CCDC33: variants seen among roughly 807,000 people sequenced by gnomAD.
CCDC33 encodes coiled-coil domain containing 33, also known as coiled-coil domain-containing protein 33.
In CCDC33, 94 loss-of-function variants were observed where a neutral mutation model predicts 91.9. The observed-to-expected ratio is 1.02, with a 90% CI of 0.87 to 1.21. The LOEUF (loss-of-function observed/expected upper bound fraction) is 1.21, where lower values mean the gene tolerates loss of function less well. CCDC33 is among the 50% of genes most tolerant of loss of function. The pLI is 0.00. For missense variants in CCDC33, 940 were observed against 935.5 expected (o/e 1.00, Z -0.06); for synonymous variants, 396 against 374.5 (o/e 1.06, Z -0.66).
intron 3 of CCDC33, among the ~76,000 whole-genome samples, chr15:74,264,449 A>C (rs2076113395): frequency 6.6e-6 from 1 of 152,028 alleles, no homozygotes; most frequent in African/African-American, 2.4e-5. Context: ...GCTGTCCATT[A>C]CCCCCAATTC....
intron 11 of CCDC33, 100 bp from the exon 12 acceptor site, chr15:74,330,089 G>A: frequency 7.2e-7 from 1 of 1,383,650 alleles, no homozygotes; most frequent in Non-Finnish European, 9.8e-7. Context: ...GGTGCTCACT[G>A]GCCTTGTGGG....
At chr15:74,272,046 A>C (rs975163441) in intron 6 of CCDC33, among the ~76,000 whole-genome samples, 5 of 152,188 alleles carry the variant, frequency 3.3e-5, no homozygotes, top group Admixed American at 3.3e-4. Context: ...AGCAAGCTGG[A>C]GGGCAGGTGG....
chr15:74,269,768 C>T (rs2076265536), intron 5 of CCDC33, among the ~76,000 whole-genome samples: 1 of 151,804 alleles, frequency 6.6e-6, no homozygotes, highest in Non-Finnish European at 1.5e-5. Flanking sequence ...AGCACAGATG[C>T]CCTCTCCATC....
At chr15:74,291,259 GAA>G (rs1057090938) in intron 10 of CCDC33, among the ~76,000 whole-genome samples, 2 of 152,242 alleles carry the variant, frequency 1.3e-5, no homozygotes, top group African/African-American at 4.8e-5. Flanking sequence ...GCCTACAGCT[GAA>G]GAGATAAGAA....
intron 1 of CCDC33, among the ~76,000 whole-genome samples, chr15:74,241,045 A>G (rs1324585214): frequency 6.6e-6 from 1 of 152,144 alleles, no homozygotes; most frequent in Non-Finnish European, 1.5e-5. Context: ...AGGGCAGGGA[A>G]CAGCACTCTG....
At chr15:74,320,787 G>A (rs967331700) in intron 11 of CCDC33, among the ~76,000 whole-genome samples, 18 of 152,296 alleles carry the variant, frequency 1.2e-4, no homozygotes, top group African/African-American at 2.2e-4. Flanking sequence ...TGCCCTTGCC[G>A]CTTCGATATC....
rs768132160 is a variant in CCDC33 at position 74,244,062 on chromosome 15, GAA to G, written c.100_101del (p.Lys34GlyfsTer33). On this transcript the variant is annotated frameshift_variant, in exon 2 of 19. Transcript: ENST00000398814. LOFTEE classifies it high-confidence loss of function. This position sits in a 1 kb window ranked among gnomAD's most constrained non-coding sequence, Gnocchi z 4.2. The part of the protein sequence containing the change: ...PEIGHLSPSK[K>X]ETIMVTLHGA... ...AGATCGGTCACCTGTCTCCCTCTAA[GAA>G]GGAGACCATCATGGTCACCCTCCAT... 6.6e-5 allele frequency: 20 copies of G among 303,504 alleles called. No homozygotes were observed. The highest frequency in any genetic ancestry group is 5.1e-4 in the African/African-American group (17 of 33,244). The allele number at this position is 303,504 out of a possible 1,614,324, so 18.8% of individuals were successfully genotyped here.
At chr15:74,333,303 C>A in intron 16 of CCDC33, 1 of 1,593,120 alleles carries the variant, frequency 6.3e-7, no homozygotes. Flanking sequence ...TCAGAGTGCA[C>A]AGAGACCCTG....
chr15:74,258,378 C>G (rs2075929559), intron 2 of CCDC33, among the ~76,000 whole-genome samples: 1 of 152,196 alleles, frequency 6.6e-6, no homozygotes, highest in Non-Finnish European at 1.5e-5. Flanking sequence ...CAAAACAAAC[C>G]AGGCCGCCTG....
intron 11 of CCDC33, chr15:74,304,063 C>T (rs1033666471): frequency 6.6e-6 from 1 of 152,244 alleles, no homozygotes; most frequent in Non-Finnish European, 1.5e-5. Flanking sequence ...CCCCTCCTCT[C>T]ACCTGCATAG....
chr15:74,267,493 C>CCTCCGGGCCAGCA (rs2076198415), intron 4 of CCDC33, among the ~76,000 whole-genome samples: 14 of 151,436 alleles, frequency 9.2e-5, no homozygotes, highest in African/African-American at 3.2e-4. Context: ...TGTCCTCCCT[C>CCTCCGGGCCAGCA]CTAGTGCTGA....
intron 11 of CCDC33, chr15:74,318,554 G>C: frequency 1.4e-6 from 1 of 697,944 alleles, no homozygotes; most frequent in Non-Finnish European, 2.6e-6. Context: ...AGTCCCTGGG[G>C]ACCCATCCTG....
At chr15:74,330,909 G>A in intron 13 of CCDC33, 72 bp from the exon 14 acceptor site, 2 of 1,535,630 alleles carry the variant, frequency 1.3e-6, no homozygotes, top group South Asian at 1.3e-5. Flanking sequence ...GAGGGGCCGA[G>A]GTGGACCCTC....
At chr15:74,240,360 C>T (rs1052048703) in intron 1 of CCDC33, among the ~76,000 whole-genome samples, 5 of 152,208 alleles carry the variant, frequency 3.3e-5, no homozygotes, top group Non-Finnish European at 7.3e-5. Flanking sequence ...GGTCTTACTC[C>T]TGGGCCCTCC....
At chr15:74,287,915 C>T (rs2059509910) in intron 10 of CCDC33, among the ~76,000 whole-genome samples, 1 of 152,190 alleles carries the variant, frequency 6.6e-6, no homozygotes, top group African/African-American at 2.4e-5. Flanking sequence ...GCTGGCCATC[C>T]CACCTCTCCT....
intron 11 of CCDC33, chr15:74,299,353 A>G (rs1018361825): frequency 1.3e-5 from 2 of 152,368 alleles, no homozygotes; most frequent in African/African-American, 4.8e-5. Flanking sequence ...ACCACCATCC[A>G]GTCCTTGAAC....
At chr15:74,250,532 C>T (rs1165976455) in intron 2 of CCDC33, among the ~76,000 whole-genome samples, 1 of 152,194 alleles carries the variant, frequency 6.6e-6, no homozygotes, top group Non-Finnish European at 1.5e-5. Flanking sequence ...ACTGATCTCC[C>T]AGATGAGGCC....
rs887673326 is a variant in CCDC33 at position 74,306,796 on chromosome 15, G to A, written c.1290+10848G>A. ...GATCAGGCTCAGAGGAGATGAGAAC[G>A]AGGTCACTCCGGGCAGAGGCCACCC... On this transcript the variant is annotated intron_variant, in intron 11 of 18. Transcript: ENST00000398814. 4.6e-5 allele frequency among the ~76,000 whole-genome samples: 7 copies of A among 152,306 alleles called. No individual in the cohort carries two copies. The East Asian group carries it at 1.2e-3, about 25-fold the overall frequency.
At position 74,332,704 on chromosome 15, in the gene CCDC33, C is replaced by T. The variant is rs1476213205; in HGVS notation, c.1797C>T (p.Gly599=). The T allele has an allele frequency of 6.2e-7, 1 of 1,614,076 alleles. No homozygotes were observed. Among genetic ancestry groups the T allele is most frequent in the East Asian group, 2.2e-5 (1 of 44,898 alleles). Residue 599 remains glycine (G), a synonymous_variant, in exon 16 of 19, where the codon GGC becomes GGT. Coordinates refer to ENST00000398814, the MANE Select transcript of CCDC33 (RefSeq NM_025055.5). ...YTGFPMLSAS[G]LPLGSMGENL... is the part of the protein sequence containing the mutation. ...GCTTCCCTATGCTCTCAGCCTCTGGCCTTCCCTTGGGTTCTATGGGAGAGA... is the reference window on the plus strand; with the variant it reads ...GCTTCCCTATGCTCTCAGCCTCTGGTCTTCCCTTGGGTTCTATGGGAGAGA...
Sources: allele counts gnomAD v4.1 joint callset (sites outside exome capture counted in the v4.1 genomes callset), GRCh38; gene constraint gnomAD v4.1.1; non-coding constraint Gnocchi (gnomAD v3.1); transcripts MANE v1.5; gene names NCBI Gene and HGNC (gene_info 2026-07-23, HGNC 2026-07-21).